Variants in SSPN observed in about 807,000 individuals in gnomAD.
The protein encoded by SSPN is sarcospan.
SSPN carries 15 observed loss-of-function variants against 19.1 expected under a neutral mutation model. The observed-to-expected ratio is 0.78, with a 90% confidence interval of 0.52 to 1.21. The LOEUF is 1.21. Among genes scored for constraint, SSPN ranks in the 50% most tolerant of loss-of-function variants. The pLI, the probability that SSPN is intolerant of heterozygous loss-of-function variation, is 0.00. For missense variants in SSPN, 291 were observed against 314.0 expected, an observed-to-expected ratio of 0.93 and a Z score of 0.55; for synonymous variants, 147 against 140.3, an observed-to-expected ratio of 1.05 and a Z score of -0.34.
intron 1 of SSPN, among the ~76,000 whole-genome samples, chr12:26,127,124 G>A (rs1944371480): frequency 6.6e-6 from 1 of 152,216 alleles, no homozygotes; most frequent in South Asian, 2.1e-4. Flanking sequence ...AATGTTTGGA[G>A]TAGAAAGGGG....
chr12:26,223,302 C>T (rs1009122135), intron 1 of SSPN, among the ~76,000 whole-genome samples: 1 of 152,206 alleles, frequency 6.6e-6, no homozygotes, highest in African/African-American at 2.4e-5. Flanking sequence ...CCTCTGCCTC[C>T]CAGATTCAAG....
chr12:26,214,224 A>G (rs1035680692), intron 1 of SSPN, among the ~76,000 whole-genome samples: 3 of 152,204 alleles, frequency 2.0e-5, no homozygotes, highest in African/African-American at 7.2e-5. Flanking sequence ...CCCAGCCTGC[A>G]TGGTCATTTG....
intron 1 of SSPN, among the ~76,000 whole-genome samples, chr12:26,162,898 A>G (rs1944597651): frequency 6.6e-6 from 1 of 152,238 alleles, no homozygotes; most frequent in Admixed American, 6.5e-5. Context: ...GAAAAAGTAT[A>G]TGAATATAGA....
At chr12:26,184,335 G>A (rs936376582) in intron 1 of SSPN, among the ~76,000 whole-genome samples, 1 of 152,186 alleles carries the variant, frequency 6.6e-6, no homozygotes, top group Non-Finnish European at 1.5e-5. Context: ...CTAGCATGCA[G>A]TAACCATAAT....
At chr12:26,199,515 C>A (rs1285690194) in intron 1 of SSPN, among the ~76,000 whole-genome samples, 1 of 152,130 alleles carries the variant, frequency 6.6e-6, no homozygotes, top group Non-Finnish European at 1.5e-5. Context: ...AGTGAAATAG[C>A]AACTTTTGAG....
At chr12:26,161,510 G>A (rs1944588767) in intron 1 of SSPN, among the ~76,000 whole-genome samples, 1 of 152,056 alleles carries the variant, frequency 6.6e-6, no homozygotes, top group African/African-American at 2.4e-5. Context: ...CCATTAATTG[G>A]CTCTACTTTT....
At chr12:26,145,784 G>A (rs1235235362) in intron 1 of SSPN, among the ~76,000 whole-genome samples, 9 of 152,266 alleles carry the variant, frequency 5.9e-5, no homozygotes, top group East Asian at 1.9e-4. Flanking sequence ...TTCCGCCCTC[G>A]TGCCCCTCTG....
rs564092288 is a variant in SSPN at position 26,202,039 on chromosome 12, A to T, written c.279+6088A>T. On this transcript the variant is annotated intron_variant, in intron 1 of 2. Transcript: ENST00000242729. Reference sequence around the variant, plus strand: ...TCAAGTCCCTGCTATAAAATGGTGTAGTATTTGCATATAATTTATGCACAT... The same window carrying T: ...TCAAGTCCCTGCTATAAAATGGTGTTGTATTTGCATATAATTTATGCACAT... Among the ~76,000 whole-genome samples the T allele has an allele frequency of 4.6e-5, 7 of 152,324 alleles. No individual in the cohort carries two copies. The South Asian group carries it at 1.2e-3, about 27-fold the overall frequency.
intron 1 of SSPN, among the ~76,000 whole-genome samples, chr12:26,216,155 A>G (rs975996581): frequency 2.0e-5 from 3 of 152,170 alleles, no homozygotes; most frequent in South Asian, 2.1e-4. Flanking sequence ...AAGAAATTCT[A>G]CTAGTCAGTG....
chr12:26,175,561 C>A (rs1944678436), intron 1 of SSPN, among the ~76,000 whole-genome samples: 1 of 151,930 alleles, frequency 6.6e-6, no homozygotes, highest in Admixed American at 6.6e-5. Context: ...ATGTTTTAAA[C>A]AATGATAATA....
Position 26,166,892 on chromosome 12 carries a change from C to T in SSPN, c.-31+44740C>T, listed in dbSNP as rs561398811. Among the ~76,000 whole-genome samples, 11 of 152,038 alleles carry T rather than the reference C, an allele frequency of 7.2e-5. No individual in the cohort carries two copies. The South Asian group carries it at 1.2e-3, about 17-fold the overall frequency. ...ATGAACTGTGGAATAAGCAATATGG[C>T]GAAAGAGTGTAAATGTAGTGTTATC... On this transcript the variant is annotated intron_variant, in intron 1 of 2. Transcript: ENST00000538142.
chr12:26,228,611 C>T (rs1945200668), intron 2 of SSPN, among the ~76,000 whole-genome samples: 1 of 151,740 alleles, frequency 6.6e-6, no homozygotes, highest in African/African-American at 2.4e-5. Context: ...CAAACTGTTC[C>T]CAGTTCTCTG....
At chr12:26,218,042 C>T (rs1469414458) in intron 1 of SSPN, among the ~76,000 whole-genome samples, 3 of 150,768 alleles carry the variant, frequency 2.0e-5, no homozygotes, top group African/African-American at 7.3e-5. Flanking sequence ...GCATTATTCA[C>T]AATAGCAAAG....
chr12:26,176,489 G>A (rs1338430118), intron 1 of SSPN, among the ~76,000 whole-genome samples: 1 of 152,178 alleles, frequency 6.6e-6, no homozygotes, highest in Admixed American at 6.5e-5. Flanking sequence ...TTCAAACACT[G>A]TGTGTTAAAG....
intron 1 of SSPN, among the ~76,000 whole-genome samples, chr12:26,159,809 G>A (rs940851355): frequency 4.6e-5 from 7 of 152,190 alleles, no homozygotes; most frequent in Admixed American, 3.3e-4. Context: ...TCTAGCATTC[G>A]AGCGGCAGCA....
At chr12:26,226,204 C>T (rs1945174347) in intron 2 of SSPN, among the ~76,000 whole-genome samples, 1 of 152,096 alleles carries the variant, frequency 6.6e-6, no homozygotes, top group Non-Finnish European at 1.5e-5. Context: ...AGCTTCAGCC[C>T]ATCTCCAGAT....
intron 1 of SSPN, among the ~76,000 whole-genome samples, chr12:26,145,838 G>T (rs1341256602): frequency 2.6e-5 from 4 of 152,160 alleles, no homozygotes; most frequent in Admixed American, 2.6e-4. Context: ...GGCATAACAA[G>T]ACTCCTCATG....
rs553203179 is a variant in SSPN at position 26,134,429 on chromosome 12, A to G, written c.-31+12277A>G. 6.6e-5 allele frequency among the ~76,000 whole-genome samples: 10 copies of G among 152,356 alleles called. No individual in the cohort carries two copies. The East Asian group carries it at 1.9e-3, about 29-fold the overall frequency. On this transcript the variant is annotated intron_variant, in intron 1 of 2. Transcript: ENST00000538142. ...ATAACTTCTGCTGACTGAAAGACTC[A>G]TATGACTTTTCAGCATCTGTCTTCC...
At chr12:26,194,141 G>T (rs1194452194), upstream of SSPN, among the ~76,000 whole-genome samples, 1 of 152,134 alleles carries the variant, frequency 6.6e-6, no homozygotes, top group East Asian at 1.9e-4. Flanking sequence ...TACCCCCAAA[G>T]TGATGGGATC....
Sources: allele counts gnomAD v4.1 joint callset (sites outside exome capture counted in the v4.1 genomes callset), GRCh38; gene constraint gnomAD v4.1.1; transcripts MANE v1.5; gene names NCBI Gene and HGNC (gene_info 2026-07-23, HGNC 2026-07-21).